XPO6: variants seen among roughly 807,000 people sequenced by gnomAD.
XPO6 encodes the protein exportin 6, also known as exportin-6.
A neutral mutation model predicts 130.0 loss-of-function variants in XPO6; 3 were observed. The observed-to-expected ratio is 0.02, with a 90% confidence interval of 0.01 to 0.06. The LOEUF (loss-of-function observed/expected upper bound fraction) is 0.06, where lower values mean the gene tolerates loss of function less well. Ranked by LOEUF, XPO6 falls within the 10% of genes least tolerant of loss-of-function variation. The pLI, the probability that XPO6 is intolerant of heterozygous loss-of-function variation, is 1.00. For missense variants in XPO6, 970 were observed against 1,393.0 expected (o/e 0.70, Z 4.83); for synonymous variants, 524 against 548.9 (o/e 0.95, Z 0.63).
At chr16:28,168,387 G>A (rs544660741) in intron 5 of XPO6, among the ~76,000 whole-genome samples, 1 of 152,226 alleles carries the variant, frequency 6.6e-6, no homozygotes, top group South Asian at 2.1e-4. Context: ...GGAGGCTGAG[G>A]TGGAAGGATC....
At chr16:28,116,872 C>CA (rs1439969876) in intron 15 of XPO6, among the ~76,000 whole-genome samples, 6 of 152,076 alleles carry the variant, frequency 3.9e-5, no homozygotes, top group African/African-American at 7.2e-5. Flanking sequence ...CAAATACTGT[C>CA]AAAAAAATGG....
intron 11 of XPO6, 52 bp downstream of exon 11, chr16:28,133,789 T>C: frequency 6.4e-7 from 1 of 1,573,816 alleles, no homozygotes; most frequent in Non-Finnish European, 8.7e-7. Flanking sequence ...CCAGCCATGC[T>C]CTGTGTACAG....
chr16:28,110,506 C>A (rs2086891290), intron 17 of XPO6, among the ~76,000 whole-genome samples: 1 of 152,244 alleles, frequency 6.6e-6, no homozygotes, highest in Non-Finnish European at 1.5e-5. Context: ...AACAACATAT[C>A]CTTTTTCTTC....
In XPO6 at chr16:28,133,946, C is replaced by T. The variant is rs1367313525; in HGVS notation, c.1444-13G>A. The T allele has an allele frequency of 8.1e-6, 13 of 1,613,474 alleles. No individual in the cohort carries two copies. The highest frequency in any genetic ancestry group is 2.7e-5 in the African/African-American group (2 of 74,912). ...ACTCCGTCTGCTGCTGTAGGGGAAG[C>T]ACAGGAGAATCAGCTCTCCCAGAAT... On this transcript the variant is annotated splice_polypyrimidine_tract_variant and intron_variant, in intron 10 of 23. Coordinates refer to ENST00000304658, the MANE Select transcript of XPO6 (RefSeq NM_015171.4).
intron 9 of XPO6, among the ~76,000 whole-genome samples, chr16:28,145,001 TATAA>T (rs1372218290): frequency 2.6e-5 from 4 of 152,150 alleles, no homozygotes; most frequent in African/African-American, 9.7e-5. Context: ...AAATTGCTCT[TATAA>T]ATACTGTGCA....
chr16:28,141,780 G>A (rs1462409673), intron 9 of XPO6, among the ~76,000 whole-genome samples: 1 of 152,198 alleles, frequency 6.6e-6, no homozygotes, highest in Non-Finnish European at 1.5e-5. Context: ...CTAACACGGT[G>A]AAACCCCGTC....
At chr16:28,159,000 C>T (rs948062145) in intron 6 of XPO6, among the ~76,000 whole-genome samples, 2 of 152,102 alleles carry the variant, frequency 1.3e-5, no homozygotes, top group African/African-American at 4.8e-5. Context: ...TAGGCTGAGG[C>T]GGGCAGATCA....
intron 15 of XPO6, among the ~76,000 whole-genome samples, chr16:28,114,614 G>A (rs2087008910): frequency 6.6e-6 from 1 of 152,198 alleles, no homozygotes; most frequent in Admixed American, 6.5e-5. Flanking sequence ...CTTTTTGCTG[G>A]TGAAGGGTCT....
intron 2 of XPO6, 27 bp from the exon 3 acceptor site, chr16:28,177,359 A>C (rs755135965): frequency 4.3e-6 from 6 of 1,406,136 alleles, no homozygotes; most frequent in Non-Finnish European, 6.0e-6. Flanking sequence ...GCAACAAAAG[A>C]AAGCTATGAA....
At chr16:28,127,111 T>C (rs911710105) in intron 12 of XPO6, among the ~76,000 whole-genome samples, 3 of 152,168 alleles carry the variant, frequency 2.0e-5, no homozygotes, top group African/African-American at 7.2e-5. Context: ...GGGGAGAGCC[T>C]AGACTCTCCA....
In XPO6 at chr16:28,106,278, C is replaced by G; in HGVS notation, c.2613-64G>C. ...TTCTCTGGGGGCCAGCATGAAAACC[C>G]ATGCTGTGGCAAGTGCAGAACAGGA... On this transcript the variant is annotated intron_variant, in intron 19 of 23. Coordinates refer to ENST00000304658, the MANE Select transcript of XPO6 (RefSeq NM_015171.4). This position sits in a 1 kb window ranked among gnomAD's most constrained non-coding sequence, Gnocchi z 4.2. 3.1e-6 allele frequency: 5 copies of G among 1,607,434 alleles called. No homozygotes were observed. The highest frequency in any genetic ancestry group is 4.3e-6 in the Non-Finnish European group (5 of 1,175,328).
At chr16:28,107,379 C>G (rs1049257147) in intron 18 of XPO6, 143 bp downstream of exon 18, 34 of 986,720 alleles carry the variant, frequency 3.4e-5, no homozygotes, top group Non-Finnish European at 4.8e-5. Flanking sequence ...ACATCACTGC[C>G]CTTTCCCCTC....
rs148397563 is a variant in XPO6, at chr16:28,210,264, T to C, written c.3+1102A>G. ...GACCTACACACTACCCACAGGCCCC[T>C]TGAATGTTTCGAAAATTCCACAGGC... On this transcript the variant is annotated intron_variant, in intron 1 of 23. Transcript: ENST00000304658. Among the ~76,000 whole-genome samples the C allele has an allele frequency of 4.5e-3, 689 of 152,356 alleles. 6 individuals carry two copies. Among genetic ancestry groups the C allele is most frequent in the African/African-American group, 0.016 (665 of 41,576 alleles).
At chr16:28,116,393 C>T (rs371961327) in intron 15 of XPO6, among the ~76,000 whole-genome samples, 9 of 151,294 alleles carry the variant, frequency 5.9e-5, no homozygotes, top group African/African-American at 1.7e-4. Flanking sequence ...ACCCGGGAGA[C>T]GGAGCTTGCA....
intron 9 of XPO6, among the ~76,000 whole-genome samples, chr16:28,138,799 T>C (rs981875985): frequency 2.0e-5 from 3 of 152,286 alleles, no homozygotes; most frequent in South Asian, 2.1e-4. Flanking sequence ...GTCTGTAGCA[T>C]CATCCAGCAT....
At position 28,098,327 on chromosome 16, in the gene XPO6, TGGGAGC is replaced by T; in HGVS notation, c.*205_*210del. On this transcript the variant is annotated 3_prime_UTR_variant, in exon 24 of 24. Coordinates refer to ENST00000304658, the MANE Select transcript of XPO6 (RefSeq NM_015171.4). ...CACCCCTCCGCCTGCTCCAACGCCCTGGGAGCACCGTCCAGTGCTCAGGTGGACCCA... is the reference window on the plus strand; with the variant it reads ...CACCCCTCCGCCTGCTCCAACGCCCTACCGTCCAGTGCTCAGGTGGACCCA... 1.9e-6 allele frequency: 1 copy of T among 514,854 alleles called. No homozygotes were observed. Among genetic ancestry groups the T allele is most frequent in the East Asian group, 3.2e-5 (1 of 30,916 alleles). 31.9% of individuals were successfully genotyped at this position (514,854 alleles called of 1,614,324 possible). A position where few individuals can be genotyped will look rare whatever the true frequency, so the allele number is the denominator to read the frequency against.
At chr16:28,158,304 C>T (rs2043214949) in intron 6 of XPO6, among the ~76,000 whole-genome samples, 1 of 152,094 alleles carries the variant, frequency 6.6e-6, no homozygotes, top group Non-Finnish European at 1.5e-5. Context: ...TTTCCTTTTT[C>T]ACTTTCATTA....
intron 17 of XPO6, among the ~76,000 whole-genome samples, chr16:28,108,233 C>T (rs922321683): frequency 2.0e-5 from 3 of 152,282 alleles, no homozygotes; most frequent in South Asian, 2.1e-4. Context: ...GGCCTATTAG[C>T]CCCGTAGCTT....
rs554036326 is a variant in XPO6 at position 28,146,328 on chromosome 16, TG to T, written c.1225-126del. 2.4e-4 allele frequency: 188 copies of T among 774,408 alleles called. No individual in the cohort carries two copies. In the African/African-American group the frequency reaches 2.7e-3, roughly 11 times the overall value. The allele number at this position is 774,408 out of a possible 1,614,324, so 48.0% of individuals were successfully genotyped here. On this transcript the variant is annotated intron_variant, in intron 8 of 23. Coordinates refer to ENST00000304658, the MANE Select transcript of XPO6 (RefSeq NM_015171.4). ...CATAAGCCTAGATTCCCCAGTTTCC[TG>T]GTAACCAAAACTGGTGGCTTTTAGT...
Sources: gnomAD v4.1 joint callset for allele counts (sites outside exome capture counted in the v4.1 genomes callset) on GRCh38, gnomAD v4.1.1 for gene constraint, Gnocchi (gnomAD v3.1) non-coding constraint, MANE v1.5 for transcripts, NCBI Gene and HGNC (gene_info 2026-07-23, HGNC 2026-07-21) for gene names.